NOL10: variants seen among roughly 807,000 people sequenced by gnomAD.
The protein encoded by NOL10 is H_NH0074G24.1.
In NOL10, 58 loss-of-function variants were observed where a neutral mutation model predicts 103.5. The observed-to-expected ratio is 0.56, with a 90% CI of 0.45 to 0.70. The LOEUF is 0.70. Among genes scored for constraint, NOL10 ranks in the 30% least tolerant of loss-of-function variants. The probability of loss-of-function intolerance (pLI) is 0.00; values close to 1 mark genes in which losing one functional copy is unlikely to be tolerated. For synonymous variants in NOL10, 287 were observed against 282.5 expected (o/e 1.02, Z -0.16); for missense variants, 763 against 807.3 (o/e 0.95, Z 0.67).
intron 13 of NOL10, among the ~76,000 whole-genome samples, chr2:10,638,483 C>T (rs1324835888): frequency 2.3e-4 from 18 of 77,776 alleles, no homozygotes; most frequent in South Asian, 5.0e-4. Context: ...GCTGAATTCC[C>T]TTTTTTTTTT....
chr2:10,678,189 C>G (rs1305185586), intron 3 of NOL10, among the ~76,000 whole-genome samples: 1 of 151,310 alleles, frequency 6.6e-6, no homozygotes, highest in African/African-American at 2.4e-5. Flanking sequence ...GCTGACACTA[C>G]AGGTGCACAC....
chr2:10,682,102 T>C lies in NOL10; in HGVS notation c.113-33A>G, dbSNP rs117898643. The C allele has an allele frequency of 2.7e-3, 2,629 of 965,380 alleles. 52 individuals are homozygous for C. The Admixed American group carries it at 0.046, about 17-fold the overall frequency. 59.8% of individuals were successfully genotyped at this position (965,380 alleles called of 1,614,324 possible). A position where few individuals can be genotyped will look rare whatever the true frequency, so the allele number is the denominator to read the frequency against. Reference sequence around the variant, plus strand: ...GAGAGAAAAAAACAACTAGTTTAACTAACATGTGCTTATTCTCTATCATAA... The same window carrying C: ...GAGAGAAAAAAACAACTAGTTTAACCAACATGTGCTTATTCTCTATCATAA... On this transcript the variant is annotated intron_variant, in intron 2 of 20. Transcript: ENST00000381685.
In NOL10 at chr2:10,571,631, C is replaced by A. The variant is rs1674183374; in HGVS notation, c.*440G>T. ...CTTATAAACACAAACACAGGCAATA[C>A]ACAGACACCAGGTAAAACAGGGATG... is the stretch of plus-strand genomic sequence containing the variant. On this transcript the variant is annotated 3_prime_UTR_variant, in exon 21 of 21. Transcript: ENST00000381685. The A allele has an allele frequency of 6.5e-6, 1 of 154,258 alleles. No homozygotes were observed. Among genetic ancestry groups the A allele is most frequent in the African/African-American group, 2.4e-5 (1 of 41,450 alleles). 9.6% of individuals were successfully genotyped at this position (154,258 alleles called of 1,614,324 possible).
At chr2:10,604,943 T>C (rs1188212100) in intron 14 of NOL10, 1 of 152,234 alleles carries the variant, frequency 6.6e-6, no homozygotes, top group East Asian at 1.9e-4. Context: ...GGTAAAGAAA[T>C]TGATTTAACT....
intron 13 of NOL10, among the ~76,000 whole-genome samples, chr2:10,635,189 G>C (rs947494699): frequency 6.6e-6 from 1 of 152,088 alleles, no homozygotes; most frequent in Non-Finnish European, 1.5e-5. Context: ...AATAATTTTT[G>C]GCAGGAAACA....
intron 1 of NOL10, among the ~76,000 whole-genome samples, chr2:10,686,647 G>A (rs1682231338): frequency 6.6e-6 from 1 of 152,238 alleles, no homozygotes; most frequent in Admixed American, 6.5e-5. Context: ...AGGGGTGACA[G>A]TGTCTTGAAT....
chr2:10,612,442 A>G (rs192698243), intron 13 of NOL10, among the ~76,000 whole-genome samples: 22 of 152,342 alleles, frequency 1.4e-4, no homozygotes, highest in Middle Eastern at 3.4e-3. Context: ...TAATGGAACA[A>G]ATAAGAAAAT....
At chr2:10,611,583 G>C (rs1037798022) in intron 13 of NOL10, among the ~76,000 whole-genome samples, 1 of 152,158 alleles carries the variant, frequency 6.6e-6, no homozygotes. Flanking sequence ...GGAGTTCAAG[G>C]TAGCCTGGGC....
chr2:10,600,165 A>G (rs976995153), intron 17 of NOL10, among the ~76,000 whole-genome samples: 5 of 152,202 alleles, frequency 3.3e-5, no homozygotes, highest in Non-Finnish European at 7.3e-5. Flanking sequence ...GCCTCATCTA[A>G]GCAGAGAAAA....
At chr2:10,588,893 C>T (rs146597788) in intron 19 of NOL10, 150 bp downstream of exon 19, 13 of 1,181,866 alleles carry the variant, frequency 1.1e-5, no homozygotes, top group Admixed American at 4.6e-5. Flanking sequence ...ACCTCCTGCA[C>T]GGCCTTACCT....
At position 10,600,937 on chromosome 2, in the gene NOL10, C is replaced by G. The variant is rs1305132608; in HGVS notation, c.1338G>C (p.Leu446Phe). 1 of 1,539,340 alleles carries G rather than the reference C, an allele frequency of 6.5e-7. No individual in the cohort carries two copies. The highest frequency in any genetic ancestry group is 2.0e-5 in the Admixed American group (1 of 50,712). ...GTGCCAGCTCTTTGTTAACTTTTGGCAATTTCTAGAGAGAAAATAAAAGCT... is the reference window on the plus strand; with the variant it reads ...GTGCCAGCTCTTTGTTAACTTTTGGGAATTTCTAGAGAGAAAATAAAAGCT... Reference protein sequence around the residue: ...TRAQRVQLKKLPKVNKELALK... With the variant: ...TRAQRVQLKKFPKVNKELALK... The change falls in exon 17 of 21, where the codon TTG becomes TTC. Residue 446 changes from leucine (L) to phenylalanine (F), a missense_variant. Leu to Phe is a conservative substitution (Grantham distance 22). Transcript: ENST00000381685.
chr2:10,604,258 C>A (rs1034394914), intron 14 of NOL10, among the ~76,000 whole-genome samples: 5 of 152,076 alleles, frequency 3.3e-5, no homozygotes, highest in Non-Finnish European at 7.4e-5. Flanking sequence ...GGGTTGGGGA[C>A]CCCTGGTATA....
intron 20 of NOL10, among the ~76,000 whole-genome samples, chr2:10,576,435 G>A (rs941028374): frequency 1.3e-5 from 2 of 152,096 alleles, no homozygotes; most frequent in Non-Finnish European, 2.9e-5. Flanking sequence ...ATTATTAATC[G>A]CTTACCCCAA....
chr2:10,653,277 C>A (rs1679605021), intron 12 of NOL10, among the ~76,000 whole-genome samples: 1 of 151,842 alleles, frequency 6.6e-6, no homozygotes, highest in African/African-American at 2.4e-5. Flanking sequence ...GTCAAGGGAG[C>A]TGTACCTTTA....
chr2:10,652,126 G>C (rs1288815843), intron 12 of NOL10, among the ~76,000 whole-genome samples: 1 of 152,040 alleles, frequency 6.6e-6, no homozygotes, highest in Non-Finnish European at 1.5e-5. Context: ...TGTAATCCCA[G>C]CTACTCAGGA....
intron 20 of NOL10, among the ~76,000 whole-genome samples, chr2:10,577,231 C>G (rs559415374): frequency 5.9e-5 from 9 of 152,204 alleles, no homozygotes; most frequent in Non-Finnish European, 1.0e-4. Flanking sequence ...TCTTCAAAGT[C>G]CATATACATG....
At chr2:10,611,362 T>C (rs2148201124) in intron 13 of NOL10, among the ~76,000 whole-genome samples, 1 of 152,370 alleles carries the variant, frequency 6.6e-6, no homozygotes, top group South Asian at 2.1e-4. Context: ...TGAAAATACA[T>C]GCCATGTGCC....
chr2:10,572,313 C>T, intron 20 of NOL10, 123 bp from the exon 21 acceptor site: 1 of 1,030,944 alleles, frequency 9.7e-7, no homozygotes, highest in Middle Eastern at 2.1e-4. Flanking sequence ...AGAAATGCTG[C>T]CCACAGGCTC....
chr2:10,615,793 T>A (rs1013942716), intron 13 of NOL10, among the ~76,000 whole-genome samples: 2 of 151,918 alleles, frequency 1.3e-5, no homozygotes, highest in African/African-American at 4.8e-5. Context: ...CAGGCCCGAA[T>A]AAAGGGGGAA....
Sources: allele counts gnomAD v4.1 joint callset (sites outside exome capture counted in the v4.1 genomes callset), GRCh38; gene constraint gnomAD v4.1.1; transcripts MANE v1.5; gene names NCBI Gene and HGNC (gene_info 2026-07-23, HGNC 2026-07-21).